Variants in HELLS observed in about 807,000 individuals in gnomAD.
HELLS encodes lymphoid-specific helicase.
Under a neutral mutation model 120.0 loss-of-function variants are expected in HELLS, and 32 were observed. That is an observed-to-expected ratio of 0.27 (90% CI 0.20 to 0.36). The LOEUF (loss-of-function observed/expected upper bound fraction) is 0.36, where lower values mean the gene tolerates loss of function less well. HELLS is among the 10% of genes least tolerant of loss of function. HELLS has a pLI of 1.00. For synonymous variants in HELLS, 341 were observed against 323.4 expected (o/e 1.05, Z -0.58); for missense variants, 650 against 993.4 (o/e 0.65, Z 4.65).
At chr10:94,556,957 G>T (rs1346772817) in intron 3 of HELLS, among the ~76,000 whole-genome samples, 1 of 152,088 alleles carries the variant, frequency 6.6e-6, no homozygotes, top group African/African-American at 2.4e-5. Context: ...TTGGGCTTTT[G>T]CCCTTGCTAT....
intron 8 of HELLS, among the ~76,000 whole-genome samples, chr10:94,607,750 A>T (rs1209567276): frequency 1.3e-5 from 2 of 151,666 alleles, no homozygotes; most frequent in Non-Finnish European, 2.9e-5. Context: ...TTTGAGACGG[A>T]GTCTTGCTCT....
intron 13 of HELLS, among the ~76,000 whole-genome samples, chr10:94,589,656 A>C (rs1379565818): frequency 6.8e-6 from 1 of 146,464 alleles, no homozygotes; most frequent in Admixed American, 6.8e-5. Context: ...AAACAATAGG[A>C]CCACCAGACT....
chr10:94,586,356 C>T (rs1382859140), intron 12 of HELLS, among the ~76,000 whole-genome samples: 3 of 152,034 alleles, frequency 2.0e-5, no homozygotes, highest in East Asian at 1.9e-4. Flanking sequence ...CTCCTGACCT[C>T]GTGATCCGCC....
At chr10:94,589,885 C>T (rs1479227850) in intron 13 of HELLS, among the ~76,000 whole-genome samples, 1 of 151,952 alleles carries the variant, frequency 6.6e-6, no homozygotes, top group Non-Finnish European at 1.5e-5. Context: ...GACGGGGTTT[C>T]ACCATGGTAG....
At chr10:94,613,429 T>C (rs1846213799) in exon 10 of HELLS, 1 of 152,242 alleles carries the variant, frequency 6.6e-6, no homozygotes, top group Admixed American at 6.5e-5. Flanking sequence ...ATCTTAAACA[T>C]TTCTTCGTTG....
In HELLS at chr10:94,577,407, T is replaced by C. The variant is rs1216992333; in HGVS notation, c.1032+602T>C. The C allele has an allele frequency of 2.6e-5, 5 of 189,352 alleles. No individual in the cohort carries two copies. The East Asian group carries it at 6.4e-4, about 24-fold the overall frequency. The allele number at this position is 189,352 out of a possible 1,614,324, so 11.7% of individuals were successfully genotyped here. On this transcript the variant is annotated intron_variant, in intron 10 of 21. Transcript: ENST00000348459. ...TCTGGCCATGTGAGAACCCTCTTAG[T>C]GCAGTCCCCTTAGGTTTATCTTGCT...
At chr10:94,588,673 G>A (rs1845302229) in intron 13 of HELLS, among the ~76,000 whole-genome samples, 1 of 152,068 alleles carries the variant, frequency 6.6e-6, no homozygotes, top group Non-Finnish European at 1.5e-5. Flanking sequence ...TAGCAATTGT[G>A]CCTGGCCTAA....
chr10:94,589,979 A>G (rs1482456951), intron 13 of HELLS, among the ~76,000 whole-genome samples: 1 of 151,890 alleles, frequency 6.6e-6, no homozygotes, highest in Non-Finnish European at 1.5e-5. Context: ...GAGCCACCGT[A>G]CCCGGCCTCT....
chr10:94,574,106 G>A lies in HELLS; in HGVS notation c.624G>A (p.Gln208=). The change falls in exon 8 of 22, where the codon CAG becomes CAA. Residue 208 remains glutamine (Q), a synonymous_variant. Coordinates refer to ENST00000348459, the MANE Select transcript of HELLS (RefSeq NM_018063.5). ...FFDPVRKCNG[Q]PVPFQQPKHF... ...ACCCAGTCCGGAAGTGTAATGGTCAGCCAGTACCTTTTCAACAACCAAAGC... is the reference window on the plus strand; with the variant it reads ...ACCCAGTCCGGAAGTGTAATGGTCAACCAGTACCTTTTCAACAACCAAAGC... 5.0e-6 allele frequency: 8 copies of A among 1,614,078 alleles called. No individual in the cohort carries two copies. The highest frequency in any genetic ancestry group is 6.8e-6 in the Non-Finnish European group (8 of 1,179,972).
chr10:94,586,023 C>T (rs573593234), intron 12 of HELLS, among the ~76,000 whole-genome samples: 2 of 152,288 alleles, frequency 1.3e-5, no homozygotes, highest in Admixed American at 1.3e-4. Flanking sequence ...TTTCAGTTAA[C>T]ATCAAACTAT....
chr10:94,564,779 G>C (rs1392395737), intron 6 of HELLS, among the ~76,000 whole-genome samples: 1 of 151,978 alleles, frequency 6.6e-6, no homozygotes, highest in Non-Finnish European at 1.5e-5. Flanking sequence ...ATTTTTAGTA[G>C]AGACAGGGTT....
At chr10:94,570,713 A>G (rs1043137076) in intron 6 of HELLS, 7 of 151,926 alleles carry the variant, frequency 4.6e-5, no homozygotes, top group Non-Finnish European at 8.8e-5. Flanking sequence ...TACCAGCAGC[A>G]TCTAGTAGGT....
Position 94,596,895 on chromosome 10 carries a change from T to A in HELLS, c.2284T>A (p.Ser762Thr). The A allele has an allele frequency of 6.6e-7, 1 of 1,511,260 alleles. No homozygotes were observed. The highest frequency in any genetic ancestry group is 9.2e-7 in the Non-Finnish European group (1 of 1,088,026). 93.6% of individuals were successfully genotyped at this position (1,511,260 alleles called of 1,614,324 possible). ...AGGTGGTCAGTCTGGATTAAATCTGTCTAAGAATTTCTTAGATCCTAAGGA... is the reference window on the plus strand; with the variant it reads ...AGGTGGTCAGTCTGGATTAAATCTGACTAAGAATTTCTTAGATCCTAAGGA... Reference protein sequence around the residue: ...FKGGQSGLNLSKNFLDPKELM... With the variant: ...FKGGQSGLNLTKNFLDPKELM... Residue 762 changes from serine (S) to threonine (T), a missense_variant, in exon 20 of 22, where the codon TCT becomes ACT. By Grantham distance (58) the Ser-to-Thr change is moderately conservative (BLOSUM62 1). Coordinates refer to ENST00000348459, the MANE Select transcript of HELLS (RefSeq NM_018063.5).
chr10:94,613,063 C>T (rs1235227825), exon 10 of HELLS: 1 of 152,140 alleles, frequency 6.6e-6, no homozygotes, highest in East Asian at 1.9e-4. Context: ...ACATTTAATT[C>T]TTCAGTGTGT....
chr10:94,589,012 T>C (rs1025319327), intron 13 of HELLS, among the ~76,000 whole-genome samples: 11 of 152,166 alleles, frequency 7.2e-5, no homozygotes, highest in African/African-American at 2.7e-4. Context: ...CTAGGCGTGG[T>C]GGCGCATGCC....
intron 9 of HELLS, among the ~76,000 whole-genome samples, chr10:94,609,618 G>A (rs1183228687): frequency 6.6e-6 from 1 of 152,106 alleles, no homozygotes; most frequent in African/African-American, 2.4e-5. Flanking sequence ...ACTTGAGTTA[G>A]GATTTGGAAG....
chr10:94,564,370 G>A (rs542067846), intron 6 of HELLS, among the ~76,000 whole-genome samples: 110 of 152,276 alleles, frequency 7.2e-4, no homozygotes, highest in African/African-American at 2.3e-3. Flanking sequence ...TTTGTTAAAC[G>A]AGTCTGAGCC....
downstream of HELLS, among the ~76,000 whole-genome samples, chr10:94,606,366 AC>A (rs1846129937): frequency 6.6e-6 from 1 of 151,444 alleles, no homozygotes; most frequent in Non-Finnish European, 1.5e-5. Context: ...TTTGAATGAG[AC>A]ATGGTCTTGC....
At chr10:94,557,850 G>T (rs1236278867) in intron 3 of HELLS, among the ~76,000 whole-genome samples, 1 of 152,226 alleles carries the variant, frequency 6.6e-6, no homozygotes, top group Non-Finnish European at 1.5e-5. Flanking sequence ...AAGCTGGGCA[G>T]TCAGAAGATT....
Sources: gnomAD v4.1 joint callset for allele counts (sites outside exome capture counted in the v4.1 genomes callset) on GRCh38, gnomAD v4.1.1 for gene constraint, MANE v1.5 for transcripts, NCBI Gene and HGNC (gene_info 2026-07-23, HGNC 2026-07-21) for gene names.